Variants in SAP30L observed in about 807,000 individuals in gnomAD.
The protein encoded by SAP30L is SAP30 like, also known as histone deacetylase complex subunit SAP30L.
SAP30L carries 10 observed loss-of-function variants against 22.3 expected under a neutral mutation model. The observed-to-expected ratio is 0.45, with a 90% confidence interval of 0.28 to 0.76. SAP30L has a LOEUF of 0.76. Among genes scored for constraint, SAP30L ranks in the 30% least tolerant of loss-of-function variants. SAP30L has a pLI of 0.14. For missense variants in SAP30L, 206 were observed against 237.9 expected, an observed-to-expected ratio of 0.87 and a Z score of 0.88; for synonymous variants, 91 against 94.1, an observed-to-expected ratio of 0.97 and a Z score of 0.19.
chr5:154,455,761 C>T, intron 3 of SAP30L, 139 bp from the exon 4 acceptor site: 2 of 1,100,272 alleles, frequency 1.8e-6, no homozygotes, highest in Non-Finnish European at 2.6e-6. Context: ...CTGAGTTCCG[C>T]ACATGGCAGG....
At chr5:154,453,089 T>C in intron 2 of SAP30L, 1 of 249,460 alleles carries the variant, frequency 4.0e-6, no homozygotes, top group Non-Finnish European at 7.7e-6. Flanking sequence ...CTCTCCCAGC[T>C]CTCTGTGCTG....
chr5:154,451,320 T>C, intron 2 of SAP30L, 107 bp downstream of exon 2: 1 of 1,228,218 alleles, frequency 8.1e-7, no homozygotes, highest in Non-Finnish European at 1.1e-6. Context: ...TTTAGTCCTT[T>C]TGTTTTGCTG....
At position 154,457,843 on chromosome 5, in the gene SAP30L, T is replaced by C. The variant is rs17116165; in HGVS notation, c.*1815T>C. 20,377 of 152,186 alleles carry C rather than the reference T, an allele frequency of 0.13. 1,499 individuals carry two copies. Among genetic ancestry groups the C allele is most frequent in the East Asian group, 0.28 (1,464 of 5,172 alleles). 9.4% of individuals were successfully genotyped at this position (152,186 alleles called of 1,614,324 possible). Reference sequence around the variant, plus strand: ...CAGTCATTCACATTCACTATGTGTTTAGAGATTCTCTCCCTGCTTACAGCT... The same window carrying C: ...CAGTCATTCACATTCACTATGTGTTCAGAGATTCTCTCCCTGCTTACAGCT... On this transcript the variant is annotated 3_prime_UTR_variant, in exon 4 of 4. Transcript: ENST00000297109.
At chr5:154,455,369 G>A (rs1487514785) in intron 3 of SAP30L, among the ~76,000 whole-genome samples, 2 of 152,002 alleles carry the variant, frequency 1.3e-5, no homozygotes, top group Admixed American at 1.3e-4. Context: ...TGCATGCTAC[G>A]ACACCTGGCT....
intron 2 of SAP30L, 137 bp downstream of exon 2, chr5:154,451,350 A>C: frequency 2.2e-6 from 2 of 925,440 alleles, no homozygotes; most frequent in South Asian, 1.8e-5. Context: ...TGAAAAGTGA[A>C]TTATAGTAAT....
intron 3 of SAP30L, among the ~76,000 whole-genome samples, chr5:154,454,460 TATA>T (rs1757222027): frequency 6.6e-6 from 1 of 152,222 alleles, no homozygotes; most frequent in African/African-American, 2.4e-5. Context: ...AAAAGAAAAA[TATA>T]ATTCTATCAT....
intron 1 of SAP30L, among the ~76,000 whole-genome samples, chr5:154,450,762 C>T (rs975251752): frequency 1.3e-5 from 2 of 152,188 alleles, no homozygotes; most frequent in Non-Finnish European, 2.9e-5. Flanking sequence ...TGGAATGCTT[C>T]CTGTCTGCCT....
chr5:154,453,317 T>C (rs1757191114), intron 2 of SAP30L, 85 bp from the exon 3 acceptor site: 1 of 883,350 alleles, frequency 1.1e-6, no homozygotes, highest in African/African-American at 1.7e-5. Context: ...ACCCCTACCT[T>C]AGTGTAGTGC....
chr5:154,454,921 AT>A lies in SAP30L; in HGVS notation c.424-964del, dbSNP rs774810806. Reference sequence around the variant, plus strand: ...TTCAATTGGCTGTTCATTTAACACAATTTTTTTTTTTTTTTAAAGACAGAGT... The same window carrying A: ...TTCAATTGGCTGTTCATTTAACACAATTTTTTTTTTTTTTAAAGACAGAGT... On this transcript the variant is annotated intron_variant, in intron 3 of 3. Transcript: ENST00000297109. 3.3e-3 allele frequency among the ~76,000 whole-genome samples: 480 copies of A among 144,840 alleles called. 1 individual carries two copies. The highest frequency in any genetic ancestry group is 0.015 in the East Asian group (74 of 5,016).
chr5:154,448,246 G>A (rs1009411780), intron 1 of SAP30L, among the ~76,000 whole-genome samples: 3 of 152,076 alleles, frequency 2.0e-5, no homozygotes, highest in Admixed American at 6.5e-5. Context: ...AAAGTTCTGG[G>A]ATTACAGGCG....
In SAP30L at chr5:154,456,147, A is replaced by C. The variant is rs544070226; in HGVS notation, c.*119A>C. On this transcript the variant is annotated 3_prime_UTR_variant, in exon 4 of 4. Coordinates refer to ENST00000297109, the MANE Select transcript of SAP30L (RefSeq NM_024632.6). ...GTAAATAAAAAAGTTTGAATGATGA[A>C]TACTGTAAATCTTTTTGGTCAGGAG... 1.5e-5 allele frequency: 16 copies of C among 1,039,008 alleles called. No individual in the cohort carries two copies. The highest frequency in any genetic ancestry group is 2.7e-4 in the Middle Eastern group (1 of 3,650). The allele number at this position is 1,039,008 out of a possible 1,614,324, so 64.4% of individuals were successfully genotyped here.
rs1757132714 is a variant in SAP30L at position 154,451,197 on chromosome 5, A to T, written c.308A>T (p.Asp103Val). ...GATGGCGGAGATTCTCCCGAGCACG[A>T]CACTGACATTCCTGAGGTAAAGGTC... The part of the protein sequence containing the change: ...SDDGGDSPEH[D>V]TDIPEVDLFQ... Residue 103 changes from aspartate to valine, a missense_variant, in exon 2 of 4, where the codon GAC becomes GTC. Transcript: ENST00000297109. 6.2e-7 allele frequency: 1 copy of T among 1,613,936 alleles called. No homozygotes were observed. Among genetic ancestry groups the T allele is most frequent in the Non-Finnish European group, 8.5e-7 (1 of 1,179,954 alleles).
rs146951367 is a variant in SAP30L, at chr5:154,449,910, T to C, written c.202-1181T>C. 1.6e-3 allele frequency among the ~76,000 whole-genome samples: 249 copies of C among 152,314 alleles called. 1 individual carries two copies. The highest frequency in any genetic ancestry group is 5.7e-3 in the African/African-American group (239 of 41,574). On this transcript the variant is annotated intron_variant, in intron 1 of 3. Transcript: ENST00000297109. ...ATCACAGTATAAACTTAAAAGTACT[T>C]ATGACTCACTAATCCAGCCACATGA...
In SAP30L at chr5:154,447,947, CTTTTCTTTTTT is replaced by C. The variant is rs1295097354; in HGVS notation, c.201+1153_201+1163del. 4.5e-3 allele frequency among the ~76,000 whole-genome samples: 533 copies of C among 118,746 alleles called. 6 individuals are homozygous for C. The highest frequency in any genetic ancestry group is 0.016 in the African/African-American group (506 of 30,822). 77.9% of individuals were successfully genotyped at this position (118,746 alleles called of 152,430 possible). ...ATAAAAAATCTCCCCTGTCCTTTTTCTTTTCTTTTTTTTTTCTTTTTCTTTTTTTTTTTTTT... is the reference window on the plus strand; with the variant it reads ...ATAAAAAATCTCCCCTGTCCTTTTTCTTTTCTTTTTCTTTTTTTTTTTTTT... On this transcript the variant is annotated intron_variant, in intron 1 of 3. Coordinates refer to ENST00000297109, the MANE Select transcript of SAP30L (RefSeq NM_024632.6).
In SAP30L at chr5:154,458,250, G is replaced by C. The variant is rs1757304309; in HGVS notation, c.*2222G>C. ...GGTGCTTGTGGAAAGTGGAGGTTGT[G>C]GGCATCTTTTCAACCTTTTCAATCT... On this transcript the variant is annotated 3_prime_UTR_variant, in exon 4 of 4. Transcript: ENST00000297109. The C allele has an allele frequency of 6.6e-6, 1 of 152,210 alleles. No individual in the cohort carries two copies. The highest frequency in any genetic ancestry group is 1.5e-5 in the Non-Finnish European group (1 of 68,038). The allele number at this position is 152,210 out of a possible 1,614,324, so 9.4% of individuals were successfully genotyped here.
In SAP30L at chr5:154,457,178, A is replaced by AT. The variant is rs1320296988; in HGVS notation, c.*1157dup. On this transcript the variant is annotated 3_prime_UTR_variant, in exon 4 of 4. Coordinates refer to ENST00000297109, the MANE Select transcript of SAP30L (RefSeq NM_024632.6). ...TAAAATAATTTTTGAAAATTACCTA[A>AT]TTTTTTTGTTGTTCAAAACGTTGAA... The AT allele has an allele frequency of 3.9e-5, 6 of 152,212 alleles. No individual in the cohort carries two copies. The highest frequency in any genetic ancestry group is 1.2e-4 in the African/African-American group (5 of 41,528). 9.4% of individuals were successfully genotyped at this position (152,212 alleles called of 1,614,324 possible). A position where few individuals can be genotyped will look rare whatever the true frequency, so the allele number is the denominator to read the frequency against.
rs749277974 is a variant in SAP30L, at chr5:154,458,967, C to T, written c.*2939C>T. ...TGTTCCTGTCATAGCTAAATAGTCA[C>T]TGCTAGCCTTTCAGAGAACAGATAG... On this transcript the variant is annotated 3_prime_UTR_variant, in exon 4 of 4. Transcript: ENST00000297109. The T allele has an allele frequency of 3.3e-5, 5 of 152,266 alleles. No individual in the cohort carries two copies. Among genetic ancestry groups the T allele is most frequent in the Non-Finnish European group, 5.9e-5 (4 of 68,048 alleles). 9.4% of individuals were successfully genotyped at this position (152,266 alleles called of 1,614,324 possible).
chr5:154,457,383 G>A lies in SAP30L; in HGVS notation c.*1355G>A, dbSNP rs533057062. ...CTAATTTATGACCATCTTGACATATGGTCAAAGGTGTCATTTTCCTACTCA... is the reference window on the plus strand; with the variant it reads ...CTAATTTATGACCATCTTGACATATAGTCAAAGGTGTCATTTTCCTACTCA... On this transcript the variant is annotated 3_prime_UTR_variant, in exon 4 of 4. Coordinates refer to ENST00000297109, the MANE Select transcript of SAP30L (RefSeq NM_024632.6). The A allele has an allele frequency of 3.8e-4, 58 of 152,290 alleles. No homozygotes were observed. The highest frequency in any genetic ancestry group is 1.3e-3 in the African/African-American group (56 of 41,552). 9.4% of individuals were successfully genotyped at this position (152,290 alleles called of 1,614,324 possible).
At chr5:154,453,350 T>G in intron 2 of SAP30L, 52 bp from the exon 3 acceptor site, 13 of 1,297,908 alleles carry the variant, frequency 1.0e-5, no homozygotes, top group Non-Finnish European at 1.3e-5. Flanking sequence ...GGGCTCTTGG[T>G]GAGTCCTGGG....
Sources: allele counts gnomAD v4.1 joint callset (sites outside exome capture counted in the v4.1 genomes callset), GRCh38; gene constraint gnomAD v4.1.1; transcripts MANE v1.5; gene names NCBI Gene and HGNC (gene_info 2026-07-23, HGNC 2026-07-21).